Variants in CAPZB observed in about 807,000 individuals in gnomAD.
CAPZB encodes the protein F-actin-capping protein subunit beta.
Under a neutral mutation model 38.1 loss-of-function variants are expected in CAPZB, and 2 were observed. That is an observed-to-expected ratio of 0.05 (90% CI 0.02 to 0.17). The LOEUF is 0.17. Ranked by LOEUF, CAPZB falls within the 10% of genes least tolerant of loss-of-function variation. CAPZB has a pLI of 1.00. For synonymous variants in CAPZB, 107 were observed against 127.4 expected, an observed-to-expected ratio of 0.84 and a Z score of 1.08; for missense variants, 161 against 334.2, an observed-to-expected ratio of 0.48 and a Z score of 4.04.
chr1:19,423,429 G>A (rs1359091590), intron 1 of CAPZB, among the ~76,000 whole-genome samples: 5 of 151,934 alleles, frequency 3.3e-5, no homozygotes, highest in Non-Finnish European at 2.9e-5. Flanking sequence ...GGAACGATGG[G>A]GACAGAGGGA....
rs139284292 is a variant in CAPZB at position 19,344,574 on chromosome 1, C to A, written c.655-140G>T. On this transcript the variant is annotated intron_variant, in intron 7 of 8. Transcript: ENST00000264202. ...GCCTGCTCTGGGGCATCAGTGAGCGCGCTCCAGGCTGCCAAGACCCCACCT... is the reference window on the plus strand; with the variant it reads ...GCCTGCTCTGGGGCATCAGTGAGCGAGCTCCAGGCTGCCAAGACCCCACCT... 2.7e-3 allele frequency: 1,855 copies of A among 688,880 alleles called. 21 individuals carry two copies. The African/African-American group carries it at 0.028, about 10-fold the overall frequency. 42.7% of individuals were successfully genotyped at this position (688,880 alleles called of 1,614,324 possible). A position where few individuals can be genotyped will look rare whatever the true frequency, so the allele number is the denominator to read the frequency against.
intron 4 of CAPZB, among the ~76,000 whole-genome samples, chr1:19,371,830 G>A (rs1404061831): frequency 1.3e-5 from 2 of 152,274 alleles, no homozygotes; most frequent in African/African-American, 4.8e-5. Flanking sequence ...CGGAAATCAG[G>A]TGCAAACATT....
At position 19,356,681 on chromosome 1, in the gene CAPZB, T is replaced by C; in HGVS notation, c.542A>G (p.Lys181Arg). The C allele has an allele frequency of 5.6e-6, 9 of 1,614,094 alleles. No homozygotes were observed. The highest frequency in any genetic ancestry group is 6.8e-6 in the Non-Finnish European group (8 of 1,179,982). ...STVMLWLQTN[K>R]SGSGTMNLGG... is the part of the protein sequence containing the mutation. ...GAGGTTCATGGTGCCAGAGCCAGAT[T>C]TGTTGGTCTGCAGCCACAGCATCAC... is the stretch of plus-strand genomic sequence containing the variant. Residue 181 changes from lysine to arginine, a missense_variant, in exon 6 of 9, where the codon AAA becomes AGA. Physicochemically the swap from Lys to Arg is conservative, Grantham distance 26 (BLOSUM62 2). Transcript: ENST00000264202. The surrounding 1 kb of genome is among the most constrained non-coding windows in gnomAD (Gnocchi z 4.3).
At chr1:19,437,340 T>C (rs1443496222) in intron 1 of CAPZB, among the ~76,000 whole-genome samples, 1 of 152,112 alleles carries the variant, frequency 6.6e-6, no homozygotes, top group African/African-American at 2.4e-5. Context: ...TGGGATATCA[T>C]AACCCTAACA....
In CAPZB at chr1:19,477,785, A is replaced by G. The variant is rs72947563; in HGVS notation, c.3+7651T>C. Among the ~76,000 whole-genome samples the G allele has an allele frequency of 7.6e-3, 1,152 of 152,316 alleles. 18 individuals are homozygous for G. Among genetic ancestry groups the G allele is most frequent in the African/African-American group, 0.026 (1,096 of 41,550 alleles). ...TTTGAAAGAAAGATGGGGTCTTACT[A>G]TGTTGCCCAGGTTGGCCTTGAACTC... On this transcript the variant is annotated intron_variant, in intron 1 of 8. Transcript: ENST00000264202.
intron 4 of CAPZB, among the ~76,000 whole-genome samples, chr1:19,369,671 C>T (rs2100380483): frequency 6.6e-6 from 1 of 152,346 alleles, no homozygotes; most frequent in South Asian, 2.1e-4. Context: ...GTCACGGGAT[C>T]CCTCTGGAGG....
chr1:19,472,842 T>A (rs904356291), intron 1 of CAPZB, among the ~76,000 whole-genome samples: 12 of 149,558 alleles, frequency 8.0e-5, no homozygotes, highest in African/African-American at 3.0e-4. Flanking sequence ...CTCAGCCTCC[T>A]GAGTAGCTAG....
At chr1:19,464,910 C>A (rs1326447394) in intron 1 of CAPZB, among the ~76,000 whole-genome samples, 5 of 152,152 alleles carry the variant, frequency 3.3e-5, no homozygotes, top group Non-Finnish European at 7.4e-5. Flanking sequence ...GGGAAAAGGG[C>A]CAAAGGGGCA....
In CAPZB at chr1:19,348,224, C is replaced by T. The variant is rs12033244; in HGVS notation, c.589-2972G>A. 1.6e-4 allele frequency among the ~76,000 whole-genome samples: 25 copies of T among 152,052 alleles called. No homozygotes were observed. The East Asian group carries it at 4.3e-3, about 26-fold the overall frequency. On this transcript the variant is annotated intron_variant, in intron 6 of 8. Transcript: ENST00000264202. ...TGGTTACCCTCTGTTCTGTCCTGGCCCAGCTACATCTGCAGGGCTGGATTC... is the reference window on the plus strand; with the variant it reads ...TGGTTACCCTCTGTTCTGTCCTGGCTCAGCTACATCTGCAGGGCTGGATTC...
intron 2 of CAPZB, among the ~76,000 whole-genome samples, chr1:19,414,626 G>A (rs796196549): frequency 6.6e-6 from 1 of 152,194 alleles, no homozygotes; most frequent in Non-Finnish European, 1.5e-5. Flanking sequence ...CTCTTAAAAA[G>A]GCAAAGGATG....
In CAPZB at chr1:19,356,837, C is replaced by A. The variant is rs982228077; in HGVS notation, c.472-86G>T. ...TCAGGGTCATCCTAACATCTCCCTT[C>A]CTAGGTCATTATCACAATATTACCT... On this transcript the variant is annotated intron_variant, in intron 5 of 8. Transcript: ENST00000264202. This position sits in a 1 kb window ranked among gnomAD's most constrained non-coding sequence, Gnocchi z 4.3. The A allele has an allele frequency of 1.3e-6, 1 of 792,982 alleles. No homozygotes were observed. The highest frequency in any genetic ancestry group is 2.1e-6 in the Non-Finnish European group (1 of 471,884). 49.1% of individuals were successfully genotyped at this position (792,982 alleles called of 1,614,324 possible). A position where few individuals can be genotyped will look rare whatever the true frequency, so the allele number is the denominator to read the frequency against.
chr1:19,429,636 C>A (rs566027693), intron 1 of CAPZB, among the ~76,000 whole-genome samples: 1 of 152,292 alleles, frequency 6.6e-6, no homozygotes, highest in South Asian at 2.1e-4. Flanking sequence ...AGGAACTCTC[C>A]CAGAGAGTAA....
chr1:19,426,465 C>T (rs202056293), intron 1 of CAPZB, among the ~76,000 whole-genome samples: 6 of 152,152 alleles, frequency 3.9e-5, no homozygotes, highest in South Asian at 2.1e-4. Flanking sequence ...GTGTCCCCTC[C>T]GCCTTGGAAC....
intron 1 of CAPZB, among the ~76,000 whole-genome samples, chr1:19,423,385 A>G (rs1291106758): frequency 2.6e-5 from 4 of 152,130 alleles, no homozygotes; most frequent in Admixed American, 2.0e-4. Flanking sequence ...GATGACCTTC[A>G]GCTACAAGCA....
At chr1:19,437,494 T>C (rs1228936026) in intron 1 of CAPZB, among the ~76,000 whole-genome samples, 3 of 152,176 alleles carry the variant, frequency 2.0e-5, no homozygotes, top group African/African-American at 7.2e-5. Flanking sequence ...ATGTCATCAA[T>C]TGCTTCCTGT....
chr1:19,415,707 T>C (rs1264118042), intron 2 of CAPZB, among the ~76,000 whole-genome samples: 1 of 152,202 alleles, frequency 6.6e-6, no homozygotes, highest in Non-Finnish European at 1.5e-5. Context: ...CATGTCAATA[T>C]AGTTTTTTTT....
At position 19,430,804 on chromosome 1, in the gene CAPZB, C is replaced by T. The variant is rs143532089; in HGVS notation, c.4-11054G>A. 3.0e-3 allele frequency among the ~76,000 whole-genome samples: 459 copies of T among 152,284 alleles called. 3 individuals carry two copies. Among genetic ancestry groups the T allele is most frequent in the African/African-American group, 0.011 (444 of 41,550 alleles). ...CCAAGCAGCTCTACCTAAAGGCAAG[C>T]ACTGCCTGCTTTTTACAACATATAC... On this transcript the variant is annotated intron_variant, in intron 1 of 8. Coordinates refer to ENST00000264202, the MANE Select transcript of CAPZB (RefSeq NM_004930.5).
intron 1 of CAPZB, among the ~76,000 whole-genome samples, chr1:19,434,181 TC>T (rs2094450779): frequency 6.6e-6 from 1 of 152,110 alleles, no homozygotes; most frequent in Admixed American, 6.5e-5. Context: ...TCCTTGAAGG[TC>T]TGCAGCTGGC....
intron 2 of CAPZB, among the ~76,000 whole-genome samples, chr1:19,398,285 G>A (rs1303050927): frequency 2.0e-5 from 3 of 147,304 alleles, no homozygotes; most frequent in South Asian, 2.2e-4. Flanking sequence ...TGTACTCCTC[G>A]CCCCAGGGGT....
Sources: allele counts gnomAD v4.1 joint callset (sites outside exome capture counted in the v4.1 genomes callset), GRCh38; gene constraint gnomAD v4.1.1; non-coding constraint Gnocchi (gnomAD v3.1); transcripts MANE v1.5; gene names NCBI Gene and HGNC (gene_info 2026-07-23, HGNC 2026-07-21).